The following ATP2B2 variants were observed in gnomAD, a reference collection of about 807,000 sequenced individuals.
ATP2B2 encodes the protein ATPase plasma membrane Ca2+ transporting 2, also known as plasma membrane calcium-transporting ATPase 2.
In ATP2B2, 15 loss-of-function variants were observed where a neutral mutation model predicts 120.0. The ratio of observed to expected loss-of-function variants is 0.12; its 90% confidence interval spans 0.08 to 0.19. ATP2B2 has a LOEUF of 0.19. ATP2B2 is among the 10% of genes least tolerant of loss of function. The pLI is 1.00. For missense variants in ATP2B2, 1,045 were observed against 1,719.8 expected (o/e 0.61, Z 6.94); for synonymous variants, 694 against 700.3 (o/e 0.99, Z 0.14).
At chr3:10,383,655 C>T (rs1259778490) in intron 8 of ATP2B2, among the ~76,000 whole-genome samples, 3 of 152,210 alleles carry the variant, frequency 2.0e-5, no homozygotes, top group African/African-American at 7.2e-5. Flanking sequence ...TCTCCTTGAG[C>T]CTCAGTCTCC....
intron 2 of ATP2B2, among the ~76,000 whole-genome samples, chr3:10,427,698 C>T (rs963378741): frequency 1.1e-4 from 17 of 152,198 alleles, no homozygotes; most frequent in Non-Finnish European, 1.9e-4. Flanking sequence ...TAATTCCAAT[C>T]GATGGCCACA....
At chr3:10,690,887 C>A (rs2071648618) in intron 1 of ATP2B2, among the ~76,000 whole-genome samples, 1 of 152,218 alleles carries the variant, frequency 6.6e-6, no homozygotes, top group Non-Finnish European at 1.5e-5. Context: ...TCTTCCAACT[C>A]AAATCCATAA....
chr3:10,667,748 C>G (rs184504574), intron 1 of ATP2B2, among the ~76,000 whole-genome samples: 4,259 of 152,278 alleles, frequency 0.028, 79 homozygotes, highest in South Asian at 0.088. Flanking sequence ...CAGCAGCGTG[C>G]TCTGAGTAGG....
intron 1 of ATP2B2, among the ~76,000 whole-genome samples, chr3:10,689,938 C>A (rs932775781): frequency 6.6e-6 from 1 of 152,162 alleles, no homozygotes. Context: ...CAAAAGGGAG[C>A]AGTGGGCAGC....
At chr3:10,625,272 C>T (rs2069664257) in intron 1 of ATP2B2, among the ~76,000 whole-genome samples, 1 of 152,176 alleles carries the variant, frequency 6.6e-6, no homozygotes, top group African/African-American at 2.4e-5. Context: ...CTTGATAGTG[C>T]CCCAGGGACA....
intron 1 of ATP2B2, among the ~76,000 whole-genome samples, chr3:10,694,239 G>T (rs1489562629): frequency 6.6e-6 from 1 of 152,150 alleles, no homozygotes; most frequent in Non-Finnish European, 1.5e-5. Flanking sequence ...CATTACCTTT[G>T]CATAACCACC....
Position 10,375,407 on chromosome 3 carries a change from G to A in ATP2B2, c.1416+23C>T. Reference sequence around the variant, plus strand: ...CAGCTGCAGCTGCATCAGCCGGCTGGTCCTGCTCTCCTCCCCTCTCACCTT... The same window carrying A: ...CAGCTGCAGCTGCATCAGCCGGCTGATCCTGCTCTCCTCCCCTCTCACCTT... On this transcript the variant is annotated intron_variant, in intron 11 of 22. Transcript: ENST00000360273. The surrounding 1 kb of genome is among the most constrained non-coding windows in gnomAD (Gnocchi z 4.2). 1.3e-6 allele frequency: 2 copies of A among 1,594,114 alleles called. No individual in the cohort carries two copies. Among genetic ancestry groups the A allele is most frequent in the East Asian group, 2.2e-5 (1 of 44,788 alleles).
At chr3:10,568,853 T>A (rs2068064413) in intron 2 of ATP2B2, among the ~76,000 whole-genome samples, 1 of 152,218 alleles carries the variant, frequency 6.6e-6, no homozygotes, top group South Asian at 2.1e-4. Flanking sequence ...GGTCTTCCAT[T>A]TTCCCTGCCT....
chr3:10,355,795 C>CCTGAGGCA (rs1574995047), intron 14 of ATP2B2, among the ~76,000 whole-genome samples: 343 of 27,866 alleles, frequency 0.012, no homozygotes, highest in Admixed American at 0.019. Context: ...CCTTTCCGGC[C>CCTGAGGCA]GGGCGCGGTG....
intron 1 of ATP2B2, among the ~76,000 whole-genome samples, chr3:10,656,743 T>C (rs1575597563): frequency 6.6e-6 from 1 of 152,250 alleles, no homozygotes; most frequent in African/African-American, 2.4e-5. Context: ...TACAAGTGTT[T>C]TGAAGGAACC....
At chr3:10,558,486 G>T (rs1406271443) in intron 2 of ATP2B2, among the ~76,000 whole-genome samples, 1 of 152,194 alleles carries the variant, frequency 6.6e-6, no homozygotes, top group Admixed American at 6.5e-5. Flanking sequence ...ACCACGCAAG[G>T]AGAGGATGTC....
At chr3:10,588,697 C>T (rs1180251563) in intron 2 of ATP2B2, among the ~76,000 whole-genome samples, 1 of 152,198 alleles carries the variant, frequency 6.6e-6, no homozygotes, top group African/African-American at 2.4e-5. Context: ...CTCTGGGGCT[C>T]CCTTGCTGAG....
At chr3:10,444,332 T>C (rs1417283031) in intron 2 of ATP2B2, among the ~76,000 whole-genome samples, 1 of 152,228 alleles carries the variant, frequency 6.6e-6, no homozygotes, top group Non-Finnish European at 1.5e-5. Context: ...GGAACTAGAA[T>C]GTGGCAACAA....
At chr3:10,627,587 G>T (rs1018916948) in intron 1 of ATP2B2, among the ~76,000 whole-genome samples, 1 of 152,144 alleles carries the variant, frequency 6.6e-6, no homozygotes, top group African/African-American at 2.4e-5. Context: ...TGAGAAAAAT[G>T]ACCTCTCCCC....
At chr3:10,365,773 A>G (rs1238311355) in intron 12 of ATP2B2, among the ~76,000 whole-genome samples, 1 of 310 alleles carries the variant, frequency 3.2e-3, no homozygotes, top group Non-Finnish European at 7.5e-3. Context: ...TGTGCGCTGT[A>G]TGTGTATGGT....
chr3:10,515,931 C>T (rs62238449), intron 3 of ATP2B2, among the ~76,000 whole-genome samples: 33,021 of 152,148 alleles, frequency 0.22, 4,813 homozygotes, highest in Non-Finnish European at 0.31. Flanking sequence ...GTATCTCCAT[C>T]TTGTGTGGCA....
intron 2 of ATP2B2, among the ~76,000 whole-genome samples, chr3:10,416,194 C>A (rs900646238): frequency 6.6e-6 from 1 of 152,196 alleles, no homozygotes; most frequent in African/African-American, 2.4e-5. Flanking sequence ...ACAGCCACGG[C>A]GCAAAGTGAG....
chr3:10,457,005 G>A (rs1019418864), intron 1 of ATP2B2, among the ~76,000 whole-genome samples: 1 of 152,180 alleles, frequency 6.6e-6, no homozygotes, highest in Non-Finnish European at 1.5e-5. Context: ...TATCCTCTCT[G>A]GGGGAGGCAA....
intron 1 of ATP2B2, among the ~76,000 whole-genome samples, chr3:10,665,741 G>A (rs1158195494): frequency 6.6e-6 from 1 of 152,190 alleles, no homozygotes; most frequent in Non-Finnish European, 1.5e-5. Flanking sequence ...CTAAGCTCCT[G>A]AAGGAGTCAC....
Sources: allele counts gnomAD v4.1 joint callset (sites outside exome capture counted in the v4.1 genomes callset), GRCh38; gene constraint gnomAD v4.1.1; non-coding constraint Gnocchi (gnomAD v3.1); transcripts MANE v1.5; gene names NCBI Gene and HGNC (gene_info 2026-07-23, HGNC 2026-07-21).